Variants in DNAH14 observed in about 807,000 individuals in gnomAD.
The protein encoded by DNAH14 is dynein axonemal heavy chain 14, also known as axonemal beta dynein heavy chain 14.
A neutral mutation model predicts 520.9 loss-of-function variants in DNAH14; 478 were observed. The observed-to-expected ratio is 0.92, with a 90% CI of 0.85 to 0.99. DNAH14 has a LOEUF of 0.99. DNAH14 is among the 50% of genes least tolerant of loss of function. The probability of loss-of-function intolerance (pLI) is 0.00; values close to 1 mark genes in which losing one functional copy is unlikely to be tolerated. For missense variants in DNAH14, 4,831 were observed against 5,234.5 expected (o/e 0.92, Z 2.38); for synonymous variants, 1,581 against 1,757.2 (o/e 0.90, Z 2.51).
rs1574539585 is a variant in DNAH14, at chr1:225,288,898, T to G, written c.8272-987T>G. Among the ~76,000 whole-genome samples the G allele has an allele frequency of 2.6e-5, 4 of 152,292 alleles. No individual in the cohort carries two copies. The South Asian group carries it at 8.3e-4, about 32-fold the overall frequency. On this transcript the variant is annotated intron_variant, in intron 54 of 85. Coordinates refer to ENST00000682510, the MANE Select transcript of DNAH14 (RefSeq NM_001367479.1). ...TAGTACAACTACTTTGGAAAATGGT[T>G]TGGCTATTTCTTATAAAGTTTAACA...
At chr1:225,104,522 T>G (rs1484104849) in intron 23 of DNAH14, among the ~76,000 whole-genome samples, 1 of 152,204 alleles carries the variant, frequency 6.6e-6, no homozygotes, top group Non-Finnish European at 1.5e-5. Flanking sequence ...TCCTGGACTT[T>G]TTTTGGTTGG....
At position 225,011,758 on chromosome 1, in the gene DNAH14, C is replaced by CTTTTTTTT. The variant is rs200216236; in HGVS notation, c.1107+4235_1107+4242dup. ...TCAGATGCGAGGAATGCAACCTCTG[C>CTTTTTTTT]TTTTTTTTTTTTTTTTTTTTTTTTT... On this transcript the variant is annotated intron_variant, in intron 10 of 85. Coordinates refer to ENST00000682510, the MANE Select transcript of DNAH14 (RefSeq NM_001367479.1). Among the ~76,000 whole-genome samples, 4 of 82,156 alleles carry CTTTTTTTT rather than the reference C, an allele frequency of 4.9e-5. 1 individual carries two copies. Among genetic ancestry groups the CTTTTTTTT allele is most frequent in the African/African-American group, 2.4e-4 (4 of 16,752 alleles). 53.9% of individuals were successfully genotyped at this position (82,156 alleles called of 152,430 possible).
At chr1:225,309,527 C>G (rs990615684) in intron 60 of DNAH14, among the ~76,000 whole-genome samples, 1 of 152,122 alleles carries the variant, frequency 6.6e-6, no homozygotes, top group East Asian at 1.9e-4. Flanking sequence ...TAAGGTGCCA[C>G]CTATCTCACT....
At chr1:225,043,191 A>T in intron 13 of DNAH14, 77 bp downstream of exon 13, 11 of 1,254,506 alleles carry the variant, frequency 8.8e-6, no homozygotes, top group Admixed American at 5.6e-5. Context: ...GCACTCTGGG[A>T]GGCTGAGGTG....
At chr1:225,170,665 T>C (rs2082530217) in intron 36 of DNAH14, among the ~76,000 whole-genome samples, 2 of 152,066 alleles carry the variant, frequency 1.3e-5, no homozygotes, top group Admixed American at 1.3e-4. Context: ...CACACAATAA[T>C]AATGGGAGAC....
At chr1:225,254,221 G>A (rs183029774) in intron 44 of DNAH14, among the ~76,000 whole-genome samples, 12 of 152,058 alleles carry the variant, frequency 7.9e-5, no homozygotes, top group Non-Finnish European at 1.2e-4. Context: ...ACCATGGGCT[G>A]TTACATGAGA....
chr1:225,374,258 A>C (rs2095664363), intron 77 of DNAH14, among the ~76,000 whole-genome samples: 2 of 100,176 alleles, frequency 2.0e-5, no homozygotes, highest in South Asian at 3.7e-4. Context: ...CTATATATAT[A>C]TATATATATA....
chr1:225,054,312 T>C (rs2068831602), intron 17 of DNAH14, among the ~76,000 whole-genome samples: 1 of 152,172 alleles, frequency 6.6e-6, no homozygotes. Flanking sequence ...ACATGGGGAC[T>C]TGATATTTAA....
chr1:225,240,524 G>C, intron 42 of DNAH14, 69 bp from the exon 43 acceptor site: 1 of 933,798 alleles, frequency 1.1e-6, no homozygotes, highest in Non-Finnish European at 1.6e-6. Flanking sequence ...TTATATTAAA[G>C]TAAATTTCTA....
At chr1:224,939,388 C>T (rs914514076) in intron 1 of DNAH14, among the ~76,000 whole-genome samples, 3 of 152,082 alleles carry the variant, frequency 2.0e-5, no homozygotes, top group South Asian at 4.1e-4. Context: ...AATCAAAAAA[C>T]GGCCGGGTGT....
chr1:225,323,908 T>A (rs1403975559), intron 62 of DNAH14, among the ~76,000 whole-genome samples: 1 of 152,114 alleles, frequency 6.6e-6, no homozygotes, highest in Non-Finnish European at 1.5e-5. Flanking sequence ...CTCTCACTCC[T>A]GGGTTCAAGT....
At chr1:224,940,174 G>A (rs1030955147) in intron 1 of DNAH14, among the ~76,000 whole-genome samples, 2 of 152,160 alleles carry the variant, frequency 1.3e-5, no homozygotes, top group African/African-American at 4.8e-5. Context: ...GGCTGATTTG[G>A]GTGGTCATGG....
chr1:225,197,643 A>G (rs1053946094), intron 38 of DNAH14, among the ~76,000 whole-genome samples: 2 of 152,088 alleles, frequency 1.3e-5, no homozygotes, highest in Non-Finnish European at 2.9e-5. Context: ...CAGTATGGTC[A>G]TTTTTACAAT....
At chr1:225,032,852 G>C (rs116735026) in intron 11 of DNAH14, among the ~76,000 whole-genome samples, 1 of 151,842 alleles carries the variant, frequency 6.6e-6, no homozygotes, top group African/African-American at 2.4e-5. Flanking sequence ...GCTCTTTTTC[G>C]TATGCTTATT....
At chr1:225,283,268 A>G (rs1458347424) in intron 54 of DNAH14, among the ~76,000 whole-genome samples, 1 of 152,054 alleles carries the variant, frequency 6.6e-6, no homozygotes, top group East Asian at 1.9e-4. Flanking sequence ...AAATCCAACT[A>G]TATGCTATCA....
At position 225,374,171 on chromosome 1, in the gene DNAH14, AT is replaced by A. The variant is rs1231592168; in HGVS notation, c.12319-516del. Among the ~76,000 whole-genome samples the A allele has an allele frequency of 3.9e-5, 4 of 102,858 alleles. 1 individual carries two copies. Among genetic ancestry groups the A allele is most frequent in the Non-Finnish European group, 8.1e-5 (4 of 49,544 alleles). 67.5% of individuals were successfully genotyped at this position (102,858 alleles called of 152,430 possible). On this transcript the variant is annotated intron_variant, in intron 77 of 85. Coordinates refer to ENST00000682510, the MANE Select transcript of DNAH14 (RefSeq NM_001367479.1). ...TATATATATATATATATATATATAT[AT>A]ATATATATATACTATTCTAGTAAAT...
intron 54 of DNAH14, among the ~76,000 whole-genome samples, chr1:225,281,262 G>T (rs1272926677): frequency 3.9e-5 from 6 of 152,058 alleles, no homozygotes; most frequent in Admixed American, 1.3e-4. Context: ...AGTCTTTCTG[G>T]ATCCCTTGGC....
At chr1:225,230,625 C>T (rs529636757) in intron 41 of DNAH14, among the ~76,000 whole-genome samples, 27 of 152,128 alleles carry the variant, frequency 1.8e-4, no homozygotes, top group African/African-American at 6.3e-4. Context: ...TACAATCTGC[C>T]TAACATGCCC....
chr1:224,988,704 G>T (rs189108956), intron 8 of DNAH14, among the ~76,000 whole-genome samples: 123 of 152,316 alleles, frequency 8.1e-4, no homozygotes, highest in Non-Finnish European at 3.5e-4. Flanking sequence ...GGAGTGCAGT[G>T]TTGTGATCAT....
Sources: allele counts gnomAD v4.1 joint callset (sites outside exome capture counted in the v4.1 genomes callset), GRCh38; gene constraint gnomAD v4.1.1; transcripts MANE v1.5; gene names NCBI Gene and HGNC (gene_info 2026-07-23, HGNC 2026-07-21).